EYS: variants seen among roughly 807,000 people sequenced by gnomAD.
EYS encodes the protein protein eyes shut homolog.
A neutral mutation model predicts 282.1 loss-of-function variants in EYS; 250 were observed. The ratio of observed to expected loss-of-function variants is 0.89; its 90% CI spans 0.80 to 0.98. The LOEUF is 0.98. EYS is among the 50% of genes least tolerant of loss of function. EYS has a pLI of 0.00. For missense variants in EYS, 4,016 were observed against 3,709.0 expected, an observed-to-expected ratio of 1.08 and a Z score of -2.15; for synonymous variants, 1,355 against 1,282.9, an observed-to-expected ratio of 1.06 and a Z score of -1.20.
chr6:64,812,829 T>C (rs902967132), intron 22 of EYS, among the ~76,000 whole-genome samples: 4 of 152,104 alleles, frequency 2.6e-5, no homozygotes, highest in East Asian at 3.9e-4. Flanking sequence ...ACCAATCCAT[T>C]GGATATATTA....
At chr6:63,835,416 T>C (rs1771779379) in intron 36 of EYS, among the ~76,000 whole-genome samples, 1 of 151,922 alleles carries the variant, frequency 6.6e-6, no homozygotes. Context: ...TAACAGTATT[T>C]GCAGTGACCT....
chr6:65,576,767 T>C (rs1024614376), intron 2 of EYS, among the ~76,000 whole-genome samples: 23 of 151,820 alleles, frequency 1.5e-4, no homozygotes, highest in Admixed American at 9.2e-4. Context: ...GATTAGTGTT[T>C]CCATGCACTA....
At chr6:64,260,932 A>G (rs1056332370) in intron 30 of EYS, among the ~76,000 whole-genome samples, 1 of 151,938 alleles carries the variant, frequency 6.6e-6, no homozygotes, top group East Asian at 1.9e-4. Flanking sequence ...TTTATGGGGT[A>G]CATGTGATGT....
intron 12 of EYS, among the ~76,000 whole-genome samples, chr6:65,279,824 G>T (rs188558356): frequency 3.4e-4 from 52 of 152,166 alleles, no homozygotes; most frequent in African/African-American, 1.1e-3. Context: ...TAAAGATTTT[G>T]TAAAAAGACA....
intron 12 of EYS, among the ~76,000 whole-genome samples, chr6:65,251,039 G>GA (rs61504367): frequency 0.033 from 2,950 of 88,776 alleles, 56 homozygotes; most frequent in African/African-American, 0.061. Context: ...AATAACAACA[G>GA]AAAAAAAAAA....
intron 12 of EYS, among the ~76,000 whole-genome samples, chr6:65,090,532 G>A (rs912206470): frequency 3.9e-5 from 6 of 152,042 alleles, no homozygotes; most frequent in African/African-American, 1.4e-4. Context: ...TACTGGATTT[G>A]ACTTTATATT....
At chr6:65,135,739 T>C (rs370321179) in intron 12 of EYS, among the ~76,000 whole-genome samples, 4 of 151,996 alleles carry the variant, frequency 2.6e-5, no homozygotes, top group African/African-American at 9.7e-5. Flanking sequence ...GTGATTTCGT[T>C]TGATATGGTT....
chr6:64,451,825 C>A (rs1406448741), intron 26 of EYS, among the ~76,000 whole-genome samples: 3 of 152,154 alleles, frequency 2.0e-5, no homozygotes, highest in Non-Finnish European at 2.9e-5. Context: ...ATGCTAAAAA[C>A]TCTCAATAAA....
At position 64,418,860 on chromosome 6, in the gene EYS, T is replaced by C. The variant is rs566396725; in HGVS notation, c.5927+17314A>G. 8.5e-5 allele frequency among the ~76,000 whole-genome samples: 13 copies of C among 152,236 alleles called. No homozygotes were observed. In the South Asian group the frequency reaches 2.7e-3, roughly 32 times the overall value. On this transcript the variant is annotated intron_variant, in intron 28 of 42. Coordinates refer to ENST00000503581, the MANE Select transcript of EYS (RefSeq NM_001142800.2). ...ACTTTGGTTTCAAGTTAGATTTATA[T>C]TGTGATTTGATCACACAGTCCCTGA...
chr6:64,740,431 G>A (rs144313142), intron 22 of EYS, among the ~76,000 whole-genome samples: 2 of 152,108 alleles, frequency 1.3e-5, no homozygotes, highest in Admixed American at 1.3e-4. Flanking sequence ...TGGAGAACAG[G>A]TGATCTATAG....
In EYS at chr6:64,436,236, T is replaced by C. The variant is rs1210464575; in HGVS notation, c.5865A>G (p.Lys1955=). Residue 1955 remains lysine, a synonymous_variant, in exon 28 of 43, where the codon AAA becomes AAG. Coordinates refer to ENST00000503581, the MANE Select transcript of EYS (RefSeq NM_001142800.2). Reference sequence around the variant, plus strand: ...TAACAGTAGTATTAATGCTTTTAAATTTTGCTTCACCAGGACAGTAAAAGT... The same window carrying C: ...TAACAGTAGTATTAATGCTTTTAAACTTTGCTTCACCAGGACAGTAAAAGT... The part of the protein sequence containing the change: ...KYHFYCPGEA[K]FKSINTTVRV... The C allele has an allele frequency of 6.5e-7, 1 of 1,544,222 alleles. No individual in the cohort carries two copies. Among genetic ancestry groups the C allele is most frequent in the Non-Finnish European group, 8.8e-7 (1 of 1,142,362 alleles).
At chr6:65,099,090 C>CTA (rs1021521444) in intron 12 of EYS, among the ~76,000 whole-genome samples, 2 of 150,276 alleles carry the variant, frequency 1.3e-5, no homozygotes, top group African/African-American at 2.4e-5. Context: ...GAATATATAT[C>CTA]TATATATATA....
intron 19 of EYS, among the ~76,000 whole-genome samples, chr6:64,883,849 A>C (rs1767000987): frequency 2.3e-5 from 1 of 42,980 alleles, no homozygotes; most frequent in African/African-American, 9.3e-5. Context: ...GTAAATTTGG[A>C]CTCTGTGATA....
intron 31 of EYS, among the ~76,000 whole-genome samples, chr6:64,121,338 G>A (rs1454411633): frequency 6.6e-6 from 1 of 152,184 alleles, no homozygotes; most frequent in Admixed American, 6.5e-5. Flanking sequence ...GAAATTTGTA[G>A]AAGTATTTCA....
chr6:65,255,293 A>G (rs896908697), intron 12 of EYS, among the ~76,000 whole-genome samples: 11 of 152,048 alleles, frequency 7.2e-5, no homozygotes, highest in African/African-American at 2.7e-4. Context: ...AGTATCTTCA[A>G]TAAGTGGTGC....
chr6:64,904,265 T>C (rs1303631409), intron 16 of EYS, among the ~76,000 whole-genome samples: 1 of 152,182 alleles, frequency 6.6e-6, no homozygotes, highest in Non-Finnish European at 1.5e-5. Context: ...TTTTTCTTAC[T>C]CAATTCTCAG....
chr6:64,358,044 T>C (rs2150407075), intron 29 of EYS, among the ~76,000 whole-genome samples: 1 of 151,806 alleles, frequency 6.6e-6, no homozygotes, highest in South Asian at 2.1e-4. Context: ...TTTTGGTGAC[T>C]AAAATGGATA....
At chr6:64,786,283 G>A (rs185370654) in intron 22 of EYS, among the ~76,000 whole-genome samples, 18 of 151,508 alleles carry the variant, frequency 1.2e-4, no homozygotes, top group African/African-American at 3.9e-4. Context: ...CCTGTACAGA[G>A]ACAGAGGGGT....
intron 5 of EYS, among the ~76,000 whole-genome samples, chr6:65,434,921 C>T (rs1312187482): frequency 6.6e-6 from 1 of 151,564 alleles, no homozygotes; most frequent in Non-Finnish European, 1.5e-5. Context: ...TCTACTATTC[C>T]TAGTATTCTT....
Sources: gnomAD v4.1 joint callset for allele counts (sites outside exome capture counted in the v4.1 genomes callset) on GRCh38, gnomAD v4.1.1 for gene constraint, MANE v1.5 for transcripts, NCBI Gene and HGNC (gene_info 2026-07-23, HGNC 2026-07-21) for gene names.